Variants in TLN2 observed in about 807,000 individuals in gnomAD.
TLN2 encodes talin 2.
In TLN2, 118 loss-of-function variants were observed where a neutral mutation model predicts 294.7. The ratio of observed to expected loss-of-function variants is 0.40; its 90% CI spans 0.34 to 0.47. The LOEUF is 0.47. TLN2 is among the 20% of genes least tolerant of loss of function. The pLI is 0.84. For missense variants in TLN2, 3,083 were observed against 3,282.2 expected (o/e 0.94, Z 1.48); for synonymous variants, 1,431 against 1,304.5 (o/e 1.10, Z -2.09).
intron 41 of TLN2, among the ~76,000 whole-genome samples, chr15:62,770,309 C>T (rs1235802705): frequency 6.6e-6 from 1 of 152,250 alleles, no homozygotes; most frequent in East Asian, 1.9e-4. Flanking sequence ...CCACAGCGCC[C>T]AGCTGGTAGG....
At chr15:62,732,640 C>T (rs904528787) in intron 28 of TLN2, among the ~76,000 whole-genome samples, 2 of 152,088 alleles carry the variant, frequency 1.3e-5, no homozygotes, top group Non-Finnish European at 2.9e-5. Context: ...TGGACGGAAA[C>T]AAAGTGGTAG....
chr15:62,429,955 G>A (rs1020839046), intron 1 of TLN2, among the ~76,000 whole-genome samples: 1 of 152,172 alleles, frequency 6.6e-6, no homozygotes, highest in African/African-American at 2.4e-5. Context: ...CGATATAAAT[G>A]CGGAGACTTC....
intron 3 of TLN2, among the ~76,000 whole-genome samples, chr15:62,620,089 C>T (rs1182908621): frequency 1.3e-5 from 2 of 152,198 alleles, no homozygotes; most frequent in Admixed American, 6.5e-5. Flanking sequence ...AATCCTCCCA[C>T]CTCAGCTTCT....
chr15:62,461,378 A>G (rs1017108618), intron 1 of TLN2, among the ~76,000 whole-genome samples: 1 of 152,138 alleles, frequency 6.6e-6, no homozygotes, highest in Non-Finnish European at 1.5e-5. Context: ...TTCTCATCAT[A>G]ATATGGTACT....
intron 1 of TLN2, among the ~76,000 whole-genome samples, chr15:62,529,193 A>T (rs1324157097): frequency 6.6e-6 from 1 of 151,774 alleles, no homozygotes; most frequent in African/African-American, 2.4e-5. Context: ...TCCTGGGCTC[A>T]GTTGACCCTC....
At chr15:62,572,491 T>C (rs1482332516) in intron 1 of TLN2, among the ~76,000 whole-genome samples, 1 of 152,156 alleles carries the variant, frequency 6.6e-6, no homozygotes, top group Non-Finnish European at 1.5e-5. Context: ...AGCTATCCTC[T>C]CGCCTTGTCC....
intron 1 of TLN2, among the ~76,000 whole-genome samples, chr15:62,497,887 G>C (rs2039092343): frequency 6.6e-6 from 1 of 151,994 alleles, no homozygotes; most frequent in Non-Finnish European, 1.5e-5. Context: ...GACCAAGCGT[G>C]GACAGTTTTT....
rs115092716 is a variant in TLN2, at chr15:62,524,065, A to G, written c.-237-65622A>G. ...TGAAAGGTGGTTTGTGGGAACCACT[A>G]TCTGCTTCCCAGTTAGGCATTTTGT... is the stretch of plus-strand genomic sequence containing the variant. On this transcript the variant is annotated intron_variant, in intron 1 of 58. Coordinates refer to ENST00000636159, the MANE Select transcript of TLN2 (RefSeq NM_015059.3). Among the ~76,000 whole-genome samples, 1,448 of 152,342 alleles carry G rather than the reference A, an allele frequency of 9.5e-3. 26 individuals are homozygous for G. The highest frequency in any genetic ancestry group is 0.033 in the African/African-American group (1,374 of 41,568).
At chr15:62,811,705 C>T (rs1010215775) in intron 52 of TLN2, among the ~76,000 whole-genome samples, 4 of 152,084 alleles carry the variant, frequency 2.6e-5, no homozygotes, top group Non-Finnish European at 4.4e-5. Context: ...GCCAAGCTAA[C>T]ATTTGCTGAA....
Position 62,657,806 on chromosome 15 carries a change from CT to C in TLN2, c.697del (p.Ser233ProfsTer30). ...ACATCCTGAATGGCTCTCACCCTGT[CT>C]CCTTCGAGAAAGCTTGTGAGTTTGG... ...DDILNGSHPVSFEKACEFGGF... is the reference protein window; with the variant it reads ...DDILNGSHPVXFEKACEFGGF... On this transcript the variant is annotated frameshift_variant, in exon 9 of 59. Transcript: ENST00000636159. LOFTEE classifies it high-confidence loss of function. The C allele has an allele frequency of 6.2e-7, 1 of 1,614,008 alleles. No homozygotes were observed. The highest frequency in any genetic ancestry group is 8.5e-7 in the Non-Finnish European group (1 of 1,179,978).
intron 1 of TLN2, among the ~76,000 whole-genome samples, chr15:62,572,977 G>A (rs1023292471): frequency 6.6e-6 from 1 of 151,470 alleles, no homozygotes; most frequent in Non-Finnish European, 1.5e-5. Context: ...CCCTGCTCAC[G>A]GGCCTTCCCA....
chr15:62,842,871 T>A lies in TLN2; in HGVS notation c.*2261T>A, dbSNP rs976037533. On this transcript the variant is annotated 3_prime_UTR_variant, in exon 59 of 59. Transcript: ENST00000636159. Reference sequence around the variant, plus strand: ...CAGTTATCACCTGGTATGGTCCCAGTTTCTCATCTGTCCTTTCCTCATCCA... The same window carrying A: ...CAGTTATCACCTGGTATGGTCCCAGATTCTCATCTGTCCTTTCCTCATCCA... 3 of 152,238 alleles carry A rather than the reference T, an allele frequency of 2.0e-5. No individual in the cohort carries two copies. The highest frequency in any genetic ancestry group is 7.2e-5 in the African/African-American group (3 of 41,448). The allele number at this position is 152,238 out of a possible 1,614,324, so 9.4% of individuals were successfully genotyped here.
At chr15:62,481,815 T>TTTTA (rs2038113911) in intron 1 of TLN2, among the ~76,000 whole-genome samples, 1 of 146,006 alleles carries the variant, frequency 6.8e-6, no homozygotes, top group Non-Finnish European at 1.5e-5. Flanking sequence ...TTTTTTTTTT[T>TTTTA]AAGACGGAGT....
At chr15:62,673,309 G>GATTTTTTT (rs1379480852) in intron 9 of TLN2, among the ~76,000 whole-genome samples, 1 of 6,236 alleles carries the variant, frequency 1.6e-4, no homozygotes, top group Non-Finnish European at 1.1e-3. Flanking sequence ...TTTAGATGTT[G>GATTTTTTT]CTTTTTTTTT....
chr15:62,828,888 A>T (rs2068480199), intron 54 of TLN2: 1 of 152,162 alleles, frequency 6.6e-6, no homozygotes, highest in African/African-American at 2.4e-5. Context: ...CTCACCCTGG[A>T]GGGGATCACA....
intron 50 of TLN2, among the ~76,000 whole-genome samples, chr15:62,804,495 G>T (rs1466966803): frequency 6.6e-6 from 1 of 152,168 alleles, no homozygotes; most frequent in Non-Finnish European, 1.5e-5. Context: ...CTACTCAGGA[G>T]GCTGAGGTGG....
At chr15:62,825,830 A>ATATAT (rs2068097410) in intron 54 of TLN2, among the ~76,000 whole-genome samples, 1 of 4,210 alleles carries the variant, frequency 2.4e-4, no homozygotes, top group African/African-American at 3.7e-4. Context: ...ATATATTATA[A>ATATAT]TATATAATAT....
At chr15:62,825,796 A>ATAT (rs1567687041) in intron 54 of TLN2, among the ~76,000 whole-genome samples, 32 of 4,596 alleles carry the variant, frequency 7.0e-3, no homozygotes, top group African/African-American at 0.011. Flanking sequence ...ATATTATAAT[A>ATAT]TATATTATAT....
chr15:62,742,181 G>A (rs1359975606), intron 32 of TLN2, among the ~76,000 whole-genome samples: 3 of 152,026 alleles, frequency 2.0e-5, no homozygotes, highest in African/African-American at 7.3e-5. Context: ...GCCACTAGGG[G>A]ACTGGAAAAT....
Sources: allele counts gnomAD v4.1 joint callset (sites outside exome capture counted in the v4.1 genomes callset), GRCh38; gene constraint gnomAD v4.1.1; transcripts MANE v1.5; gene names NCBI Gene and HGNC (gene_info 2026-07-23, HGNC 2026-07-21).